ATP2B2: variants seen among roughly 807,000 people sequenced by gnomAD.
ATP2B2 encodes the protein ATPase plasma membrane Ca2+ transporting 2.
In ATP2B2, 15 loss-of-function variants were observed where a neutral mutation model predicts 120.0. The observed-to-expected ratio is 0.12, with a 90% confidence interval of 0.08 to 0.19. The LOEUF (loss-of-function observed/expected upper bound fraction) is 0.19, where lower values mean the gene tolerates loss of function less well. Ranked by LOEUF, ATP2B2 falls within the 10% of genes least tolerant of loss-of-function variation. The pLI, the probability that ATP2B2 is intolerant of heterozygous loss-of-function variation, is 1.00. For missense variants in ATP2B2, 1,045 were observed against 1,719.8 expected (o/e 0.61, Z 6.94); for synonymous variants, 694 against 700.3 (o/e 0.99, Z 0.14).
chr3:10,483,962 G>A (rs34892), intron 1 of ATP2B2, among the ~76,000 whole-genome samples: 138,276 of 152,180 alleles, frequency 0.91, 63,138 homozygotes, highest in East Asian at 1. Context: ...GGGATTCATG[G>A]AAGAACAAAG....
At chr3:10,432,268 G>A (rs1353617653) in intron 2 of ATP2B2, among the ~76,000 whole-genome samples, 1 of 152,200 alleles carries the variant, frequency 6.6e-6, no homozygotes, top group African/African-American at 2.4e-5. Context: ...TCCTCCTCTA[G>A]TGCTCAGAAT....
intron 1 of ATP2B2, among the ~76,000 whole-genome samples, chr3:10,680,106 A>C (rs2071345840): frequency 1.3e-5 from 2 of 152,210 alleles, no homozygotes; most frequent in Admixed American, 1.3e-4. Flanking sequence ...TGTTGGTTAC[A>C]TTGTTCTCTG....
chr3:10,529,662 T>A (rs1309155353), intron 3 of ATP2B2, among the ~76,000 whole-genome samples: 1 of 152,112 alleles, frequency 6.6e-6, no homozygotes, highest in Non-Finnish European at 1.5e-5. Context: ...GGGATAAGGG[T>A]TGAACTATGT....
chr3:10,560,187 G>T (rs79197776), intron 2 of ATP2B2, among the ~76,000 whole-genome samples: 1 of 152,182 alleles, frequency 6.6e-6, no homozygotes, highest in South Asian at 2.1e-4. Context: ...CCAGCGAAAG[G>T]CATCGTGTAG....
At chr3:10,586,747 C>T (rs1053967121) in intron 2 of ATP2B2, among the ~76,000 whole-genome samples, 5 of 152,194 alleles carry the variant, frequency 3.3e-5, no homozygotes, top group African/African-American at 1.2e-4. Flanking sequence ...ATTGCATTTC[C>T]AAAGCAAGAA....
intron 2 of ATP2B2, among the ~76,000 whole-genome samples, chr3:10,552,323 A>T (rs1024864075): frequency 3.9e-5 from 6 of 152,224 alleles, no homozygotes; most frequent in Non-Finnish European, 1.5e-5. Flanking sequence ...CACAGAGGGA[A>T]CAGCTTTCGT....
intron 1 of ATP2B2, among the ~76,000 whole-genome samples, chr3:10,467,656 G>A (rs960614726): frequency 6.6e-6 from 1 of 152,180 alleles, no homozygotes; most frequent in Non-Finnish European, 1.5e-5. Context: ...GAATAAAAAG[G>A]CAGAGGACAT....
chr3:10,378,062 C>A (rs1455344586), intron 10 of ATP2B2, among the ~76,000 whole-genome samples, 190 bp downstream of exon 10: 2 of 152,256 alleles, frequency 1.3e-5, no homozygotes, highest in African/African-American at 4.8e-5. Context: ...TTCTGTATCA[C>A]TGAGTGCTAA....
At chr3:10,629,107 A>C (rs1469492963) in intron 1 of ATP2B2, among the ~76,000 whole-genome samples, 1 of 152,164 alleles carries the variant, frequency 6.6e-6, no homozygotes, top group Non-Finnish European at 1.5e-5. Flanking sequence ...GCACGGCAGC[A>C]CCACGCTTCG....
chr3:10,502,647 A>T (rs1232670248), intron 1 of ATP2B2, among the ~76,000 whole-genome samples: 1 of 152,242 alleles, frequency 6.6e-6, no homozygotes, highest in African/African-American at 2.4e-5. Flanking sequence ...CTTTCTAGGC[A>T]TCAGCAACTC....
intron 12 of ATP2B2, among the ~76,000 whole-genome samples, chr3:10,365,365 G>A (rs953242280): frequency 2.0e-5 from 3 of 152,222 alleles, no homozygotes; most frequent in African/African-American, 7.2e-5. Flanking sequence ...CAGGTGGCAC[G>A]AAATTTTGGC....
rs1206864634 is a variant in ATP2B2 at position 10,345,415 on chromosome 3, A to G, written c.2672T>C (p.Ile891Thr). The change falls in exon 18 of 23, where the codon ATT becomes ACT. Residue 891 changes from isoleucine (I) to threonine (T), a missense_variant. This residue lies in a region of ATP2B2 where 98 missense variants were observed against 266.7 expected (regional missense o/e 0.37). Coordinates refer to ENST00000360273, the MANE Select transcript of ATP2B2 (RefSeq NM_001001331.4). ...FQLTVNVVAV[I>T]VAFTGACITQ... is the part of the protein sequence containing the mutation. ...GATGCAGGCGCCTGTGAAGGCCACA[A>G]TCACGGCCACCACGTTGACGGTGAG... 3 of 1,614,038 alleles carry G rather than the reference A, an allele frequency of 1.9e-6. No homozygotes were observed. Among genetic ancestry groups the G allele is most frequent in the African/African-American group, 2.7e-5 (2 of 74,928 alleles).
intron 2 of ATP2B2, among the ~76,000 whole-genome samples, chr3:10,556,260 A>T (rs1575492623): frequency 6.6e-6 from 1 of 152,182 alleles, no homozygotes; most frequent in Non-Finnish European, 1.5e-5. Flanking sequence ...GGCCAGGGAT[A>T]TGTCTGATTT....
In ATP2B2 at chr3:10,346,356, C is replaced by T. The variant is rs2060431990; in HGVS notation, c.2405-219G>A. Among the ~76,000 whole-genome samples, 1 of 152,260 alleles carries T rather than the reference C, an allele frequency of 6.6e-6. No homozygotes were observed. The highest frequency in any genetic ancestry group is 1.5e-5 in the Non-Finnish European group (1 of 68,052). On this transcript the variant is annotated intron_variant, in intron 16 of 22. Transcript: ENST00000360273. The surrounding 1 kb of genome is among the most constrained non-coding windows in gnomAD (Gnocchi z 4.1). Reference sequence around the variant, plus strand: ...TGGGCTGGTGCCGACTTGGGGCCCCCTGTGGCCCGGGCCCTGCTCACCTCT... The same window carrying T: ...TGGGCTGGTGCCGACTTGGGGCCCCTTGTGGCCCGGGCCCTGCTCACCTCT...
chr3:10,381,331 T>A (rs2061524828), intron 8 of ATP2B2, among the ~76,000 whole-genome samples: 1 of 152,250 alleles, frequency 6.6e-6, no homozygotes, highest in African/African-American at 2.4e-5. Context: ...TATTTTTATT[T>A]TCTAAAATAA....
chr3:10,601,410 GGAGGCCTTGCCTGAGTCA>G (rs1480576684), intron 2 of ATP2B2, among the ~76,000 whole-genome samples: 1 of 152,166 alleles, frequency 6.6e-6, no homozygotes, highest in Non-Finnish European at 1.5e-5. Context: ...ACACGGGGAG[GGAGGCCTTGCCTGAGTCA>G]GAGGCCTTGG....
chr3:10,426,590 G>T (rs1030013463), intron 2 of ATP2B2, among the ~76,000 whole-genome samples: 2 of 152,186 alleles, frequency 1.3e-5, no homozygotes, highest in African/African-American at 4.8e-5. Context: ...GGCCATGAAG[G>T]CCACAGAAGG....
intron 1 of ATP2B2, among the ~76,000 whole-genome samples, chr3:10,668,602 G>A (rs943193383): frequency 6.6e-6 from 1 of 152,162 alleles, no homozygotes; most frequent in Non-Finnish European, 1.5e-5. Context: ...CCTCCTTCAA[G>A]TCTTTGCTCA....
intron 2 of ATP2B2, among the ~76,000 whole-genome samples, chr3:10,593,447 G>C (rs1374795267): frequency 6.6e-6 from 1 of 152,196 alleles, no homozygotes; most frequent in African/African-American, 2.4e-5. Context: ...TTGACTGTCT[G>C]TGCAGAAACA....
Sources: allele counts gnomAD v4.1 joint callset (sites outside exome capture counted in the v4.1 genomes callset), GRCh38; gene constraint gnomAD v4.1.1; regional missense constraint gnomAD v4.1.1; non-coding constraint Gnocchi (gnomAD v3.1); transcripts MANE v1.5; gene names NCBI Gene and HGNC (gene_info 2026-07-23, HGNC 2026-07-21).